The following PDPN variants were observed in gnomAD, a reference collection of about 807,000 sequenced individuals.
PDPN encodes PA2.26 antigen.
A neutral mutation model predicts 23.2 loss-of-function variants in PDPN; 12 were observed. The ratio of observed to expected loss-of-function variants is 0.52; its 90% CI spans 0.33 to 0.84. The LOEUF (loss-of-function observed/expected upper bound fraction) is 0.84. Ranked by LOEUF, PDPN falls within the 40% of genes least tolerant of loss-of-function variation. The pLI is 0.02. For synonymous variants in PDPN, 77 were observed against 76.7 expected (o/e 1.00, Z -0.02); for missense variants, 199 against 212.2 (o/e 0.94, Z 0.39).
intron 1 of PDPN, among the ~76,000 whole-genome samples, chr1:13,586,703 G>A (rs971744267): frequency 6.7e-6 from 1 of 150,146 alleles, no homozygotes; most frequent in African/African-American, 2.5e-5. Context: ...ACCAGAACTG[G>A]GTTTGAAAAA....
At chr1:13,589,834 G>A (rs1640289100) in intron 1 of PDPN, among the ~76,000 whole-genome samples, 1 of 152,146 alleles carries the variant, frequency 6.6e-6, no homozygotes, top group African/African-American at 2.4e-5. Context: ...TTGATTGATT[G>A]ATTGATCGAT....
intron 2 of PDPN, among the ~76,000 whole-genome samples, chr1:13,610,131 C>CTG: frequency 6.6e-6 from 1 of 152,264 alleles, no homozygotes; most frequent in East Asian, 1.9e-4. Context: ...ATAGACCATA[C>CTG]TGTGTATCCA....
chr1:13,609,499 G>A (rs556203058), intron 2 of PDPN, among the ~76,000 whole-genome samples: 11 of 152,210 alleles, frequency 7.2e-5, no homozygotes, highest in African/African-American at 2.6e-4. Context: ...CAATTCAGTA[G>A]TGTTAAGTAT....
chr1:13,593,914 C>G (rs1332619656), intron 1 of PDPN, among the ~76,000 whole-genome samples: 2 of 152,228 alleles, frequency 1.3e-5, no homozygotes, highest in Admixed American at 6.5e-5. Flanking sequence ...TATTACAGAG[C>G]TGTGATTTCA....
At chr1:13,606,869 G>GA (rs1640801473) in intron 1 of PDPN, among the ~76,000 whole-genome samples, 1 of 152,114 alleles carries the variant, frequency 6.6e-6, no homozygotes, top group Non-Finnish European at 1.5e-5. Context: ...TATTGAAAAG[G>GA]AAAGATGTAC....
At chr1:13,613,746 A>T in intron 4 of PDPN, 21 bp downstream of exon 4, 5 of 1,393,174 alleles carry the variant, frequency 3.6e-6, no homozygotes, top group Non-Finnish European at 5.1e-6. Flanking sequence ...TTTTGGCATC[A>T]AAATACTCTT....
At chr1:13,585,688 G>A (rs749823486) in intron 1 of PDPN, 17 of 1,299,912 alleles carry the variant, frequency 1.3e-5, no homozygotes, top group Non-Finnish European at 1.6e-5. Context: ...GTTGGTGCTG[G>A]AAACTCCACT....
intron 2 of PDPN, among the ~76,000 whole-genome samples, chr1:13,608,571 G>C (rs997645966): frequency 4.6e-5 from 7 of 152,130 alleles, no homozygotes; most frequent in African/African-American, 1.4e-4. Context: ...TCTCAAGTTT[G>C]ATGCCATCTC....
intron 1 of PDPN, among the ~76,000 whole-genome samples, chr1:13,590,402 G>T (rs1289206840): frequency 6.6e-6 from 1 of 152,202 alleles, no homozygotes; most frequent in East Asian, 1.9e-4. Context: ...GTCCTGCGCG[G>T]CACATGCTAT....
chr1:13,608,752 G>C (rs936603546), intron 2 of PDPN, among the ~76,000 whole-genome samples: 3 of 152,212 alleles, frequency 2.0e-5, no homozygotes, highest in African/African-American at 7.2e-5. Flanking sequence ...AGGCGGGAAA[G>C]GGTTTTTTTA....
In PDPN at chr1:13,589,289, G is replaced by A. The variant is rs142029330; in HGVS notation, c.67+5189G>A. Reference sequence around the variant, plus strand: ...AGGGCATGCCTTGGACAGCAAATATGCATACAAAGCGTTGGAAAACAGTTT... The same window carrying A: ...AGGGCATGCCTTGGACAGCAAATATACATACAAAGCGTTGGAAAACAGTTT... On this transcript the variant is annotated intron_variant, in intron 1 of 5. Coordinates refer to ENST00000621990, the MANE Select transcript of PDPN (RefSeq NM_006474.5). Among the ~76,000 whole-genome samples, 12 of 152,314 alleles carry A rather than the reference G, an allele frequency of 7.9e-5. No individual in the cohort carries two copies. The East Asian group carries it at 2.1e-3, about 27-fold the overall frequency.
In PDPN at chr1:13,612,500, G is replaced by A. The variant is rs1025631452; in HGVS notation, c.332-1187G>A. ...AAGCAAATGATTGACTTATCTCTTCGGGCAGTTGACTTCTATCAGTGACAT... is the reference window on the plus strand; with the variant it reads ...AAGCAAATGATTGACTTATCTCTTCAGGCAGTTGACTTCTATCAGTGACAT... On this transcript the variant is annotated intron_variant, in intron 3 of 5. Transcript: ENST00000621990. Among the ~76,000 whole-genome samples the A allele has an allele frequency of 2.0e-5, 3 of 152,114 alleles. No homozygotes were observed. In the East Asian group the frequency reaches 5.8e-4, roughly 29 times the overall value.
At chr1:13,584,487 G>C (rs911789983) in intron 1 of PDPN, 1 of 580,636 alleles carries the variant, frequency 1.7e-6, no homozygotes, top group Admixed American at 3.3e-5. Context: ...CGCACGCCTC[G>C]GGAGAAGCTG....
chr1:13,605,825 G>A (rs772792447), intron 1 of PDPN, among the ~76,000 whole-genome samples: 1 of 152,072 alleles, frequency 6.6e-6, no homozygotes, highest in African/African-American at 2.4e-5. Context: ...ATTTCACCAC[G>A]TTGGCCAGGA....
At chr1:13,592,598 G>A (rs1469073749) in intron 1 of PDPN, among the ~76,000 whole-genome samples, 3 of 141,200 alleles carry the variant, frequency 2.1e-5, no homozygotes, top group Admixed American at 7.4e-5. Flanking sequence ...TACCCAGGCT[G>A]GAGTGCAATG....
intron 1 of PDPN, among the ~76,000 whole-genome samples, chr1:13,599,373 C>CTTTTTTTT (rs70984267): frequency 2.6e-5 from 2 of 77,104 alleles, no homozygotes; most frequent in African/African-American, 5.8e-5. Context: ...GAGAAGCTAT[C>CTTTTTTTT]TTTTTTTTTT....
intron 1 of PDPN, chr1:13,595,811 G>A (rs777408422): frequency 3.3e-5 from 40 of 1,217,852 alleles, no homozygotes; most frequent in Middle Eastern, 2.3e-4. Context: ...CAGCTATGCC[G>A]TCTCTTTCAT....
rs1289822223 is a variant in PDPN, at chr1:13,616,766, A to G, written c.*855A>G. 6.6e-6 allele frequency: 1 copy of G among 152,232 alleles called. No homozygotes were observed. Among genetic ancestry groups the G allele is most frequent in the Admixed American group, 6.6e-5 (1 of 15,264 alleles). The allele number at this position is 152,232 out of a possible 1,614,324, so 9.4% of individuals were successfully genotyped here. On this transcript the variant is annotated 3_prime_UTR_variant, in exon 6 of 6. Coordinates refer to ENST00000621990, the MANE Select transcript of PDPN (RefSeq NM_006474.5). ...CACATTGGCTGCTTTGTTCTGGAAT[A>G]TGGATATCTCAGCCTGGATGCCGAG... is the stretch of plus-strand genomic sequence containing the variant.
chr1:13,590,204 A>G (rs1640302566), intron 1 of PDPN, among the ~76,000 whole-genome samples: 1 of 152,238 alleles, frequency 6.6e-6, no homozygotes, highest in South Asian at 2.1e-4. Flanking sequence ...AATGCTGATG[A>G]TGTGTATCCC....
Sources: gnomAD v4.1 joint callset for allele counts (sites outside exome capture counted in the v4.1 genomes callset) on GRCh38, gnomAD v4.1.1 for gene constraint, MANE v1.5 for transcripts, NCBI Gene and HGNC (gene_info 2026-07-23, HGNC 2026-07-21) for gene names.